MAP3K5: variants seen among roughly 807,000 people sequenced by gnomAD.
The protein encoded by MAP3K5 is ASK-1.
In MAP3K5, 56 loss-of-function variants were observed where a neutral mutation model predicts 158.7. That is an observed-to-expected ratio of 0.35 (90% CI 0.28 to 0.44). MAP3K5 has a LOEUF of 0.44. MAP3K5 is among the 20% of genes least tolerant of loss of function. The pLI, the probability that MAP3K5 is intolerant of heterozygous loss-of-function variation, is 1.00. For synonymous variants in MAP3K5, 579 were observed against 601.7 expected (o/e 0.96, Z 0.55); for missense variants, 1,294 against 1,674.8 (o/e 0.77, Z 3.97).
At chr6:136,596,817 C>T (rs940967817) in intron 21 of MAP3K5, among the ~76,000 whole-genome samples, 1 of 152,202 alleles carries the variant, frequency 6.6e-6, no homozygotes, top group African/African-American at 2.4e-5. Context: ...GATTTCCAGG[C>T]AAGTGAGAAT....
chr6:136,610,597 TAAAAAAA>T (rs201221344), intron 18 of MAP3K5, among the ~76,000 whole-genome samples: 3 of 64,358 alleles, frequency 4.7e-5, no homozygotes, highest in African/African-American at 1.7e-4. Flanking sequence ...AAATGTTTAA[TAAAAAAA>T]AAAAAAAAAA....
chr6:136,589,388 G>GTCA (rs1775283632), intron 23 of MAP3K5, among the ~76,000 whole-genome samples: 1 of 152,192 alleles, frequency 6.6e-6, no homozygotes. Context: ...GATGAGAAGT[G>GTCA]TCATACCAGG....
intron 10 of MAP3K5, among the ~76,000 whole-genome samples, chr6:136,654,180 T>C (rs1412812375): frequency 2.6e-5 from 4 of 152,360 alleles, no homozygotes; most frequent in African/African-American, 7.2e-5. Context: ...GCAAATAAAG[T>C]TGAGGTCCTC....
chr6:136,603,791 C>T (rs1775983156), intron 19 of MAP3K5, among the ~76,000 whole-genome samples: 1 of 152,208 alleles, frequency 6.6e-6, no homozygotes, highest in African/African-American at 2.4e-5. Flanking sequence ...GAAAGACATC[C>T]ACTCATGGCA....
intron 14 of MAP3K5, among the ~76,000 whole-genome samples, chr6:136,632,043 T>G (rs1777382917): frequency 6.6e-6 from 1 of 151,886 alleles, no homozygotes; most frequent in South Asian, 2.1e-4. Context: ...GGTCACTAAG[T>G]GGGACTGAGG....
chr6:136,628,214 C>T (rs1287657452), intron 14 of MAP3K5, among the ~76,000 whole-genome samples: 1 of 151,866 alleles, frequency 6.6e-6, no homozygotes, highest in Non-Finnish European at 1.5e-5. Flanking sequence ...TAGGTTCAAG[C>T]AATCCTCCCA....
intron 9 of MAP3K5, 63 bp downstream of exon 9, chr6:136,659,156 A>G (rs113011341): frequency 7.4e-7 from 1 of 1,352,526 alleles, no homozygotes; most frequent in East Asian, 2.3e-5. Flanking sequence ...TTCAATAAAT[A>G]TAATATGGGA....
intron 2 of MAP3K5, among the ~76,000 whole-genome samples, chr6:136,720,147 G>C (rs1381748107): frequency 6.6e-6 from 1 of 152,076 alleles, no homozygotes; most frequent in African/African-American, 2.4e-5. Flanking sequence ...ATGGAGGCTT[G>C]ACCATACCTT....
chr6:136,650,923 G>T (rs1241001104), intron 11 of MAP3K5, 61 bp downstream of exon 11: 3 of 996,580 alleles, frequency 3.0e-6, no homozygotes, highest in Non-Finnish European at 3.1e-6. Context: ...GTATGTAAAT[G>T]CTAGAAGGGT....
intron 29 of MAP3K5, 42 bp from the exon 30 acceptor site, chr6:136,557,860 T>C: frequency 7.8e-7 from 1 of 1,284,120 alleles, no homozygotes; most frequent in Non-Finnish European, 1.1e-6. Context: ...AACATTTCAT[T>C]TGAAACATTG....
At position 136,567,723 on chromosome 6, in the gene MAP3K5, C is replaced by G. The variant is rs189861968; in HGVS notation, c.3669G>C (p.Val1223=). 1.9e-6 allele frequency: 3 copies of G among 1,613,960 alleles called. No individual in the cohort carries two copies. Among genetic ancestry groups the G allele is most frequent in the Non-Finnish European group, 2.5e-6 (3 of 1,180,022 alleles). Residue 1223 remains valine (V), a synonymous_variant, in exon 26 of 30, where the codon GTG becomes GTC. Coordinates refer to ENST00000359015, the MANE Select transcript of MAP3K5 (RefSeq NM_005923.4). ...GAGACACAGTAGAACTGAGCGTGCT[C>G]ACGCCTGAGGTAGCCACAGCATCTT... ...VIEDAVATSG[V]STLSSTVSHD...
At chr6:136,614,104 C>G in intron 16 of MAP3K5, 55 bp downstream of exon 16, 1 of 1,577,788 alleles carries the variant, frequency 6.3e-7, no homozygotes, top group South Asian at 1.1e-5. Flanking sequence ...TTCAATTTTA[C>G]TCCCCTCCGA....
chr6:136,655,065 C>CA (rs1263767869), intron 10 of MAP3K5, among the ~76,000 whole-genome samples: 1 of 152,118 alleles, frequency 6.6e-6, no homozygotes, highest in African/African-American at 2.4e-5. Flanking sequence ...TTATGACAGA[C>CA]AAATTCTGTC....
At chr6:136,656,646 A>G (rs529607815) in intron 9 of MAP3K5, among the ~76,000 whole-genome samples, 186 bp from the exon 10 acceptor site, 2 of 151,792 alleles carry the variant, frequency 1.3e-5, no homozygotes, top group Non-Finnish European at 2.9e-5. Context: ...TAATGTTGAA[A>G]CAGAGTCTCG....
rs552488393 is a variant in MAP3K5, at chr6:136,682,114, C to T, written c.1253+12026G>A. Reference sequence around the variant, plus strand: ...AGTTCCTAGGTCATCCTGGAACTAGCGATCCCTTAGGAATCCTGTACATCT... The same window carrying T: ...AGTTCCTAGGTCATCCTGGAACTAGTGATCCCTTAGGAATCCTGTACATCT... On this transcript the variant is annotated intron_variant, in intron 7 of 29. Transcript: ENST00000359015. 2.4e-4 allele frequency among the ~76,000 whole-genome samples: 37 copies of T among 152,272 alleles called. No homozygotes were observed. In the South Asian group the frequency reaches 7.7e-3, roughly 32 times the overall value.
intron 1 of MAP3K5, among the ~76,000 whole-genome samples, chr6:136,730,672 A>C (rs1205034371): frequency 6.6e-6 from 1 of 151,096 alleles, no homozygotes; most frequent in Admixed American, 6.6e-5. Context: ...CAGTGAGCCA[A>C]GATGGCGCCA....
intron 2 of MAP3K5, among the ~76,000 whole-genome samples, chr6:136,717,159 T>A (rs970156644): frequency 4.6e-5 from 7 of 152,124 alleles, no homozygotes; most frequent in African/African-American, 1.7e-4. Context: ...CATCTTCTCT[T>A]GAAAAAAATA....
At chr6:136,669,948 C>T (rs956441589) in intron 7 of MAP3K5, among the ~76,000 whole-genome samples, 51 of 151,194 alleles carry the variant, frequency 3.4e-4, no homozygotes, top group Non-Finnish European at 2.9e-4. Context: ...ATGAGAACCC[C>T]GCACATATTT....
At chr6:136,596,026 T>C (rs1212850489) in intron 21 of MAP3K5, among the ~76,000 whole-genome samples, 1 of 152,002 alleles carries the variant, frequency 6.6e-6, no homozygotes, top group Non-Finnish European at 1.5e-5. Context: ...CAATTGGATA[T>C]GAGTCTGGAG....
Sources: allele counts gnomAD v4.1 joint callset (sites outside exome capture counted in the v4.1 genomes callset), GRCh38; gene constraint gnomAD v4.1.1; transcripts MANE v1.5; gene names NCBI Gene and HGNC (gene_info 2026-07-23, HGNC 2026-07-21).